The following OXCT1 variants were observed in gnomAD, a reference collection of about 807,000 sequenced individuals.
OXCT1 encodes the protein succinyl-CoA:3-ketoacid coenzyme A transferase 1, mitochondrial.
OXCT1 carries 27 observed loss-of-function variants against 69.6 expected under a neutral mutation model. That is an observed-to-expected ratio of 0.39 (90% CI 0.29 to 0.54). The LOEUF (loss-of-function observed/expected upper bound fraction) is 0.54, where lower values mean the gene tolerates loss of function less well. Among genes scored for constraint, OXCT1 ranks in the 20% least tolerant of loss-of-function variants. The pLI, the probability that OXCT1 is intolerant of heterozygous loss-of-function variation, is 0.72. For synonymous variants in OXCT1, 202 were observed against 217.8 expected, an observed-to-expected ratio of 0.93 and a Z score of 0.64; for missense variants, 437 against 650.2, an observed-to-expected ratio of 0.67 and a Z score of 3.57.
chr5:41,741,683 C>T (rs187539663), intron 15 of OXCT1, among the ~76,000 whole-genome samples: 36 of 152,274 alleles, frequency 2.4e-4, no homozygotes, highest in Non-Finnish European at 4.4e-4. Context: ...CCAGTGATAA[C>T]TGCATTATTG....
intron 13 of OXCT1, among the ~76,000 whole-genome samples, chr5:41,772,585 G>A (rs181008005): frequency 1.3e-5 from 2 of 152,252 alleles, no homozygotes; most frequent in East Asian, 3.9e-4. Context: ...AGAATACAAA[G>A]TATTTTGATT....
chr5:41,845,461 G>C (rs1013957483), intron 5 of OXCT1, among the ~76,000 whole-genome samples: 2 of 152,060 alleles, frequency 1.3e-5, no homozygotes, highest in Admixed American at 1.3e-4. Flanking sequence ...AGGAGGACTT[G>C]ATCTAGATCA....
At chr5:41,853,156 G>A (rs1749261904) in intron 4 of OXCT1, among the ~76,000 whole-genome samples, 1 of 152,006 alleles carries the variant, frequency 6.6e-6, no homozygotes, top group Non-Finnish European at 1.5e-5. Context: ...GTATGCTTCT[G>A]GCACAATACA....
intron 7 of OXCT1, among the ~76,000 whole-genome samples, chr5:41,835,475 C>T (rs1354977287): frequency 1.3e-5 from 2 of 152,138 alleles, no homozygotes; most frequent in African/African-American, 4.8e-5. Flanking sequence ...TGTCCATTAA[C>T]CTCTAATTCT....
At chr5:41,765,547 A>G (rs1475794682) in intron 13 of OXCT1, among the ~76,000 whole-genome samples, 1 of 152,160 alleles carries the variant, frequency 6.6e-6, no homozygotes, top group African/African-American at 2.4e-5. Flanking sequence ...GTGGTGCCCA[A>G]ATTATATGGA....
intron 15 of OXCT1, among the ~76,000 whole-genome samples, chr5:41,740,455 C>T (rs1743107149): frequency 6.6e-6 from 1 of 152,186 alleles, no homozygotes; most frequent in South Asian, 2.1e-4. Flanking sequence ...CACCAGAAAG[C>T]CAATCTTACC....
intron 12 of OXCT1, 71 bp from the exon 13 acceptor site, chr5:41,794,149 A>T (rs1746066183): frequency 4.5e-6 from 5 of 1,120,476 alleles, no homozygotes; most frequent in Admixed American, 1.7e-5. Flanking sequence ...CTTGCCAGCA[A>T]TTAGAATAAC....
chr5:41,861,529 T>C lies in OXCT1; in HGVS notation c.188-125A>G. Reference sequence around the variant, plus strand: ...ACATTATTAGATCTACTAAGCAAAATACACAGATATATCTCAGCAGCTAAG... The same window carrying C: ...ACATTATTAGATCTACTAAGCAAAACACACAGATATATCTCAGCAGCTAAG... On this transcript the variant is annotated intron_variant, in intron 2 of 16. Transcript: ENST00000196371. 5.5e-6 allele frequency: 4 copies of C among 731,354 alleles called. No individual in the cohort carries two copies. The South Asian group carries it at 5.8e-5, about 11-fold the overall frequency. 45.3% of individuals were successfully genotyped at this position (731,354 alleles called of 1,614,324 possible).
chr5:41,865,701 C>T (rs1749931667), intron 1 of OXCT1, among the ~76,000 whole-genome samples: 1 of 152,148 alleles, frequency 6.6e-6, no homozygotes, highest in Admixed American at 6.5e-5. Context: ...AGGAAAATTA[C>T]TTAACCACTG....
chr5:41,792,446 G>A (rs1440212715), intron 13 of OXCT1, among the ~76,000 whole-genome samples: 3 of 152,278 alleles, frequency 2.0e-5, no homozygotes, highest in South Asian at 2.1e-4. Flanking sequence ...TAAGTGAAAT[G>A]TTCAACATCA....
At chr5:41,747,905 G>C (rs759425465) in intron 15 of OXCT1, among the ~76,000 whole-genome samples, 1 of 152,012 alleles carries the variant, frequency 6.6e-6, no homozygotes, top group Non-Finnish European at 1.5e-5. Context: ...AGCATCTGGC[G>C]TGTGTCTCCA....
At position 41,862,581 on chromosome 5, in the gene OXCT1, G is replaced by T. The variant is rs993643350; in HGVS notation, c.187+61C>A. On this transcript the variant is annotated intron_variant, in intron 2 of 16. Coordinates refer to ENST00000196371, the MANE Select transcript of OXCT1 (RefSeq NM_000436.4). ...TTATACATCTTTGTCATTGTGATTT[G>T]CCTGCTTCATTTAAAAACATAAGGA... 5 of 867,560 alleles carry T rather than the reference G, an allele frequency of 5.8e-6. No homozygotes were observed. In the African/African-American group the frequency reaches 8.3e-5, roughly 14 times the overall value. 53.7% of individuals were successfully genotyped at this position (867,560 alleles called of 1,614,324 possible).
At chr5:41,801,185 T>G in intron 10 of OXCT1, 115 bp from the exon 11 acceptor site, 1 of 836,202 alleles carries the variant, frequency 1.2e-6, no homozygotes, top group Non-Finnish European at 2.0e-6. Context: ...ATCCGAAGAC[T>G]TGAGGTAAAC....
chr5:41,800,701 T>G (rs1244237315), intron 11 of OXCT1, among the ~76,000 whole-genome samples: 1 of 151,960 alleles, frequency 6.6e-6, no homozygotes, highest in Non-Finnish European at 1.5e-5. Context: ...TCTTGGTCTC[T>G]TTTAATCCTG....
intron 15 of OXCT1, among the ~76,000 whole-genome samples, chr5:41,745,646 C>A (rs1407861897): frequency 6.6e-6 from 1 of 152,026 alleles, no homozygotes; most frequent in East Asian, 1.9e-4. Flanking sequence ...AATTGATAGA[C>A]CGCTAGCAAG....
chr5:41,851,890 C>T (rs538579442), intron 4 of OXCT1, among the ~76,000 whole-genome samples: 1 of 152,242 alleles, frequency 6.6e-6, no homozygotes, highest in Admixed American at 6.5e-5. Context: ...GTGTTCTCCC[C>T]AAAATTCATA....
intron 8 of OXCT1, among the ~76,000 whole-genome samples, chr5:41,806,276 A>G (rs1746676979): frequency 6.6e-6 from 1 of 152,068 alleles, no homozygotes; most frequent in Non-Finnish European, 1.5e-5. Flanking sequence ...GTTTTGTATT[A>G]TAAAATGTCT....
At chr5:41,851,461 T>C (rs1749169057) in intron 4 of OXCT1, among the ~76,000 whole-genome samples, 1 of 152,160 alleles carries the variant, frequency 6.6e-6, no homozygotes, top group African/African-American at 2.4e-5. Flanking sequence ...ATATGTTTTA[T>C]ATATACCCTC....
chr5:41,859,884 TATGTAATATATATATATATATATAC>T (rs1161319845), intron 3 of OXCT1, among the ~76,000 whole-genome samples: 2 of 117,870 alleles, frequency 1.7e-5, no homozygotes, highest in African/African-American at 2.8e-5. Context: ...TATATATATA[TATGTAATATATATATATATATATAC>T]ACACACACAC....
Sources: allele counts gnomAD v4.1 joint callset (sites outside exome capture counted in the v4.1 genomes callset), GRCh38; gene constraint gnomAD v4.1.1; transcripts MANE v1.5; gene names NCBI Gene and HGNC (gene_info 2026-07-23, HGNC 2026-07-21).